Variants in SLC25A26 observed in about 807,000 individuals in gnomAD.
SLC25A26 encodes solute carrier family 25 member 26.
In SLC25A26, 36 loss-of-function variants were observed where a neutral mutation model predicts 37.8. The ratio of observed to expected loss-of-function variants is 0.95; its 90% CI spans 0.73 to 1.26. The LOEUF (loss-of-function observed/expected upper bound fraction) is 1.26. Ranked by LOEUF, SLC25A26 falls within the 50% of genes most tolerant of loss-of-function variation. The probability of loss-of-function intolerance (pLI) is 0.00; values close to 1 mark genes in which losing one functional copy is unlikely to be tolerated. For missense variants in SLC25A26, 390 were observed against 331.1 expected (o/e 1.18, Z -1.38); for synonymous variants, 129 against 122.5 (o/e 1.05, Z -0.35).
rs1417828057 is a variant in SLC25A26 at position 66,208,972 on chromosome 3, G to GTATATATATATA, written c.-353-11769_-353-11768insATATATATATAT. On this transcript the variant is annotated intron_variant, in intron 1 of 10. Coordinates refer to the SLC25A26 transcript ENST00000676754. ...TATATATATATACCCATATAAAGGT[G>GTATATATATATA]TGTATATATATATATATTTATGTAC... Among the ~76,000 whole-genome samples the GTATATATATATA allele has an allele frequency of 2.0e-4, 15 of 75,868 alleles. No homozygotes were observed. The East Asian group carries it at 6.5e-3, about 33-fold the overall frequency. The allele number at this position is 75,868 out of a possible 152,430, so 49.8% of individuals were successfully genotyped here. A position where few individuals can be genotyped will look rare whatever the true frequency, so the allele number is the denominator to read the frequency against.
At chr3:66,273,383 TA>T (rs576508590) in intron 5 of SLC25A26, among the ~76,000 whole-genome samples, 3,140 of 152,260 alleles carry the variant, frequency 0.021, 55 homozygotes, top group Non-Finnish European at 0.034. Flanking sequence ...TTCCTCCTTG[TA>T]CCTCTGGTAG....
chr3:66,304,155 G>A (rs1019913295), intron 5 of SLC25A26, among the ~76,000 whole-genome samples: 2 of 152,112 alleles, frequency 1.3e-5, no homozygotes, highest in African/African-American at 2.4e-5. Context: ...AACTGATGGG[G>A]GAACTTAATT....
intron 1 of SLC25A26, among the ~76,000 whole-genome samples, chr3:66,137,737 A>G (rs183381791): frequency 6.6e-6 from 1 of 151,536 alleles, no homozygotes; most frequent in Non-Finnish European, 1.5e-5. Context: ...TTATCCCCCA[A>G]CTCCTAATAC....
At chr3:66,219,417 C>T (rs974824983), upstream of SLC25A26, among the ~76,000 whole-genome samples, 6 of 152,262 alleles carry the variant, frequency 3.9e-5, no homozygotes, top group South Asian at 1.2e-3. Flanking sequence ...AATCAGTTGA[C>T]TTTGAGTTAA....
intron 7 of SLC25A26, among the ~76,000 whole-genome samples, chr3:66,367,417 G>C (rs2076846830): frequency 6.6e-6 from 1 of 152,126 alleles, no homozygotes; most frequent in African/African-American, 2.4e-5. Context: ...GTAGCATGGG[G>C]ATGTAAGAGT....
chr3:66,155,227 T>A (rs1348063966), intron 1 of SLC25A26, among the ~76,000 whole-genome samples: 3 of 152,172 alleles, frequency 2.0e-5, no homozygotes, highest in African/African-American at 4.8e-5. Flanking sequence ...GTGAAATATG[T>A]GGCCGGGCGT....
At chr3:66,239,135 C>G (rs2072444966) in intron 2 of SLC25A26, among the ~76,000 whole-genome samples, 1 of 152,208 alleles carries the variant, frequency 6.6e-6, no homozygotes, top group South Asian at 2.1e-4. Flanking sequence ...TCTACATCTT[C>G]TCCCTTGTCA....
intron 6 of SLC25A26, among the ~76,000 whole-genome samples, chr3:66,352,660 G>A (rs2076485291): frequency 6.6e-6 from 1 of 151,892 alleles, no homozygotes; most frequent in East Asian, 1.9e-4. Flanking sequence ...TGTCATTACC[G>A]AGTGTCTATT....
chr3:66,316,229 A>G (rs760078727), intron 5 of SLC25A26, among the ~76,000 whole-genome samples: 20 of 152,014 alleles, frequency 1.3e-4, no homozygotes, highest in Non-Finnish European at 2.4e-4. Context: ...GTGTACTTCC[A>G]TGTGGTTTCC....
intron 9 of SLC25A26, among the ~76,000 whole-genome samples, chr3:66,376,702 A>C (rs945643893): frequency 6.6e-6 from 1 of 152,236 alleles, no homozygotes; most frequent in Non-Finnish European, 1.5e-5. Context: ...ATGGTGGCCA[A>C]ACTTGGCCTG....
At chr3:66,252,170 G>T (rs1024355886) in intron 3 of SLC25A26, among the ~76,000 whole-genome samples, 1 of 152,208 alleles carries the variant, frequency 6.6e-6, no homozygotes. Context: ...CCTGAACTCT[G>T]TCAGTGACAA....
chr3:66,172,410 G>GAAAAAAAA (rs1199322248), intron 1 of SLC25A26, among the ~76,000 whole-genome samples: 762 of 75,176 alleles, frequency 0.01, 52 homozygotes, highest in African/African-American at 0.03. Flanking sequence ...TACCTGTAAA[G>GAAAAAAAA]AAAAAAAAAA....
At chr3:66,271,297 A>G (rs949385995) in intron 5 of SLC25A26, among the ~76,000 whole-genome samples, 2 of 152,174 alleles carry the variant, frequency 1.3e-5, no homozygotes, top group South Asian at 4.1e-4. Flanking sequence ...TCCCTTTTGT[A>G]ACAAGAAATC....
At chr3:66,185,757 G>C (rs1268816942) in intron 1 of SLC25A26, among the ~76,000 whole-genome samples, 1 of 151,532 alleles carries the variant, frequency 6.6e-6, no homozygotes, top group African/African-American at 2.4e-5. Flanking sequence ...CCCTGACTCT[G>C]TATTTTATAC....
chr3:66,140,527 C>G (rs1209374936), intron 1 of SLC25A26, among the ~76,000 whole-genome samples: 1 of 152,164 alleles, frequency 6.6e-6, no homozygotes, highest in Non-Finnish European at 1.5e-5. Flanking sequence ...TCACTAGAAC[C>G]TTCGAATGAA....
At chr3:66,153,879 A>T (rs2070241385) in intron 1 of SLC25A26, among the ~76,000 whole-genome samples, 1 of 152,124 alleles carries the variant, frequency 6.6e-6, no homozygotes, top group Admixed American at 6.5e-5. Flanking sequence ...GCACCGAGGG[A>T]GCTCTGGGGG....
chr3:66,281,664 G>T (rs2074342254), intron 5 of SLC25A26, among the ~76,000 whole-genome samples: 1 of 152,058 alleles, frequency 6.6e-6, no homozygotes, highest in African/African-American at 2.4e-5. Flanking sequence ...TCATAAGTGT[G>T]TGCAATCACC....
chr3:66,326,720 C>G (rs1275682624), intron 5 of SLC25A26, among the ~76,000 whole-genome samples: 1 of 152,232 alleles, frequency 6.6e-6, no homozygotes, highest in Non-Finnish European at 1.5e-5. Context: ...CACCCCCACA[C>G]CCTGCAGACA....
chr3:66,355,194 A>G (rs1291324508), intron 6 of SLC25A26, among the ~76,000 whole-genome samples: 1 of 152,190 alleles, frequency 6.6e-6, no homozygotes, highest in East Asian at 1.9e-4. Context: ...CTTTTGCTTA[A>G]GAATAATCAA....
Sources: allele counts gnomAD v4.1 joint callset (sites outside exome capture counted in the v4.1 genomes callset), GRCh38; gene constraint gnomAD v4.1.1; transcripts MANE v1.5; gene names NCBI Gene and HGNC (gene_info 2026-07-23, HGNC 2026-07-21).